Variants in SLC16A7 observed in about 807,000 individuals in gnomAD.
The protein encoded by SLC16A7 is solute carrier family 16 member 7, also known as monocarboxylate transporter 2.
Under a neutral mutation model 34.9 loss-of-function variants are expected in SLC16A7, and 33 were observed. That is an observed-to-expected ratio of 0.94 (90% CI 0.72 to 1.26). The LOEUF (loss-of-function observed/expected upper bound fraction) is 1.26. Ranked by LOEUF, SLC16A7 falls within the 50% of genes most tolerant of loss-of-function variation. The pLI is 0.00. For synonymous variants in SLC16A7, 201 were observed against 206.6 expected, an observed-to-expected ratio of 0.97 and a Z score of 0.23; for missense variants, 573 against 578.1, an observed-to-expected ratio of 0.99 and a Z score of 0.09.
rs575283584 is a variant in SLC16A7, at chr12:59,616,067, G to A, written c.-130+19831G>A. On this transcript the variant is annotated intron_variant, in intron 1 of 5. Transcript: ENST00000547379. ...CCAGAAGCCAGCCTGACAAAGAAAA[G>A]CATAAAGGACACACAAACAGCATGA... 7.9e-5 allele frequency among the ~76,000 whole-genome samples: 12 copies of A among 152,280 alleles called. 1 individual carries two copies. Among genetic ancestry groups the A allele is most frequent in the African/African-American group, 2.9e-4 (12 of 41,544 alleles).
intron 1 of SLC16A7, among the ~76,000 whole-genome samples, chr12:59,635,564 C>T (rs981488483): frequency 6.6e-6 from 1 of 152,014 alleles, no homozygotes; most frequent in Non-Finnish European, 1.5e-5. Context: ...CATGAATTTT[C>T]CAGCAGTTTG....
intron 2 of SLC16A7, among the ~76,000 whole-genome samples, chr12:59,660,164 C>CT (rs1403528316): frequency 8.6e-5 from 13 of 151,422 alleles, no homozygotes; most frequent in African/African-American, 3.2e-4. Context: ...TTAAAAAACT[C>CT]TTTTTTTAAA....
At chr12:59,659,007 A>G (rs889439631) in intron 2 of SLC16A7, among the ~76,000 whole-genome samples, 5 of 152,160 alleles carry the variant, frequency 3.3e-5, no homozygotes, top group Non-Finnish European at 5.9e-5. Context: ...TTAAAATCCT[A>G]ACATTACTTA....
intron 3 of SLC16A7, among the ~76,000 whole-genome samples, chr12:59,706,570 CT>C (rs747557349): frequency 6.6e-6 from 1 of 152,082 alleles, no homozygotes; most frequent in Non-Finnish European, 1.5e-5. Flanking sequence ...AACACACATT[CT>C]ATGAATCTCC....
intron 3 of SLC16A7, among the ~76,000 whole-genome samples, chr12:59,756,815 A>T (rs1485361739): frequency 7.5e-6 from 1 of 133,806 alleles, no homozygotes; most frequent in Non-Finnish European, 1.6e-5. Flanking sequence ...ACGTATATTT[A>T]TTGCGGCACT....
chr12:59,658,108 A>G (rs1283739673), intron 2 of SLC16A7, among the ~76,000 whole-genome samples: 1 of 152,048 alleles, frequency 6.6e-6, no homozygotes, highest in Non-Finnish European at 1.5e-5. Flanking sequence ...CTTAAAAACT[A>G]TAATCACAGG....
chr12:59,600,050 T>C (rs1176254361), intron 1 of SLC16A7, among the ~76,000 whole-genome samples: 1 of 152,198 alleles, frequency 6.6e-6, no homozygotes, highest in Non-Finnish European at 1.5e-5. Flanking sequence ...AAAGACAAGT[T>C]GCTAGACCTC....
intron 2 of SLC16A7, among the ~76,000 whole-genome samples, chr12:59,704,199 C>CAAAAAAAAAAAAAAAAAAGAAAAA (rs1873238621): frequency 1.9e-5 from 1 of 51,616 alleles, no homozygotes; most frequent in Non-Finnish European, 4.1e-5. Flanking sequence ...GACTCTGTCT[C>CAAAAAAAAAAAAAAAAAAGAAAAA]AAAAAAAAAA....
chr12:59,671,561 T>G (rs941963276), intron 2 of SLC16A7, among the ~76,000 whole-genome samples: 1 of 151,846 alleles, frequency 6.6e-6, no homozygotes, highest in Non-Finnish European at 1.5e-5. Context: ...CTGTACTTGT[T>G]TGGAAGCTAT....
chr12:59,762,289 A>C (rs1019119346), intron 3 of SLC16A7, among the ~76,000 whole-genome samples: 1 of 152,140 alleles, frequency 6.6e-6, no homozygotes, highest in Non-Finnish European at 1.5e-5. Context: ...GAAACTCTTC[A>C]TGAAAAGCTT....
chr12:59,733,579 G>A (rs1383096976), intron 3 of SLC16A7: 1 of 385,910 alleles, frequency 2.6e-6, no homozygotes, highest in Non-Finnish European at 5.2e-6. Flanking sequence ...GGGTGTCACA[G>A]CCCTGGCTCA....
chr12:59,749,867 C>G (rs1375862162), intron 3 of SLC16A7, among the ~76,000 whole-genome samples: 2 of 152,080 alleles, frequency 1.3e-5, no homozygotes, highest in African/African-American at 4.8e-5. Flanking sequence ...AAAATCACAC[C>G]AGAGTAATTA....
At chr12:59,647,890 A>T (rs1197020955) in intron 1 of SLC16A7, among the ~76,000 whole-genome samples, 1 of 152,006 alleles carries the variant, frequency 6.6e-6, no homozygotes, top group African/African-American at 2.4e-5. Flanking sequence ...CACTACAAAA[A>T]AAAAATACAA....
At chr12:59,644,428 A>G (rs1592428097) in intron 1 of SLC16A7, among the ~76,000 whole-genome samples, 1 of 152,070 alleles carries the variant, frequency 6.6e-6, no homozygotes, top group African/African-American at 2.4e-5. Context: ...TGAGCCGAAC[A>G]TGTTGGCGCA....
chr12:59,603,347 A>G (rs1031421323), intron 1 of SLC16A7, among the ~76,000 whole-genome samples: 1 of 152,160 alleles, frequency 6.6e-6, no homozygotes, highest in African/African-American at 2.4e-5. Flanking sequence ...TGTAAGTCCA[A>G]ACAGCTGTTC....
chr12:59,734,491 G>T (rs1383926393), intron 3 of SLC16A7, among the ~76,000 whole-genome samples: 5 of 152,216 alleles, frequency 3.3e-5, no homozygotes, highest in African/African-American at 4.8e-5. Flanking sequence ...TCCAGGTCTG[G>T]AGCCATGGCT....
rs967962406 is a variant in SLC16A7 at position 59,689,307 on chromosome 12, G to A, written c.-30-15465G>A. ...GAATCCTGAGACTAGCTGACAAAGT[G>A]TTGAGTGACAAAGAGATAGATGGAA... On this transcript the variant is annotated intron_variant, in intron 2 of 5. Transcript: ENST00000547379. 8 of 152,112 alleles carry A rather than the reference G, an allele frequency of 5.3e-5. No homozygotes were observed. In the South Asian group the frequency reaches 1.2e-3, roughly 24 times the overall value. The allele number at this position is 152,112 out of a possible 1,614,324, so 9.4% of individuals were successfully genotyped here.
chr12:59,748,867 G>T (rs1282509736), intron 3 of SLC16A7, among the ~76,000 whole-genome samples: 2 of 152,130 alleles, frequency 1.3e-5, no homozygotes, highest in Non-Finnish European at 2.9e-5. Flanking sequence ...ACAACTTAAA[G>T]TAAAAGCTAA....
chr12:59,620,539 A>C (rs1318687284), intron 1 of SLC16A7, among the ~76,000 whole-genome samples: 1 of 151,986 alleles, frequency 6.6e-6, no homozygotes, highest in Non-Finnish European at 1.5e-5. Flanking sequence ...TTGATGACTA[A>C]GGCCTTTCTA....
Sources: allele counts gnomAD v4.1 joint callset (sites outside exome capture counted in the v4.1 genomes callset), GRCh38; gene constraint gnomAD v4.1.1; transcripts MANE v1.5; gene names NCBI Gene and HGNC (gene_info 2026-07-23, HGNC 2026-07-21).